Variants in FOXP1 observed in about 807,000 individuals in gnomAD.
FOXP1 encodes forkhead box protein P1.
A neutral mutation model predicts 98.2 loss-of-function variants in FOXP1; 15 were observed. That is an observed-to-expected ratio of 0.15 (90% CI 0.10 to 0.24). The LOEUF is 0.24. Among genes scored for constraint, FOXP1 ranks in the 10% least tolerant of loss-of-function variants. The pLI is 1.00. For synonymous variants in FOXP1, 371 were observed against 314.5 expected (o/e 1.18, Z -1.90); for missense variants, 633 against 848.5 (o/e 0.75, Z 3.15).
chr3:71,315,025 G>A (rs1248810317), intron 4 of FOXP1, among the ~76,000 whole-genome samples: 1 of 140,558 alleles, frequency 7.1e-6, no homozygotes, highest in Non-Finnish European at 1.5e-5. Flanking sequence ...CGGGAATAAG[G>A]CTGGGATAAG....
intron 12 of FOXP1, among the ~76,000 whole-genome samples, chr3:71,003,185 A>G: frequency 6.6e-6 from 1 of 152,214 alleles, no homozygotes; most frequent in African/African-American, 2.4e-5. Context: ...TAAAAGATCC[A>G]AACGGACAAA....
At chr3:71,012,462 T>C (rs1036587499) in intron 12 of FOXP1, among the ~76,000 whole-genome samples, 3 of 152,200 alleles carry the variant, frequency 2.0e-5, no homozygotes, top group African/African-American at 4.8e-5. Flanking sequence ...CTGATCGTGA[T>C]TGTTCACATC....
In FOXP1 at chr3:71,245,031, T is replaced by A. The variant is rs962733725; in HGVS notation, c.-11-46639A>T. The A allele has an allele frequency of 6.6e-5, 10 of 151,766 alleles. No individual in the cohort carries two copies. In the East Asian group the frequency reaches 1.7e-3, roughly 26 times the overall value. 9.4% of individuals were successfully genotyped at this position (151,766 alleles called of 1,614,324 possible). A position where few individuals can be genotyped will look rare whatever the true frequency, so the allele number is the denominator to read the frequency against. ...ATTTCCAAACAAACGCAGCTCAGCCTGGGGAAGCGATGGCATAAAAACAGG... is the reference window on the plus strand; with the variant it reads ...ATTTCCAAACAAACGCAGCTCAGCCAGGGGAAGCGATGGCATAAAAACAGG... On this transcript the variant is annotated intron_variant, in intron 5 of 20. Transcript: ENST00000649528.
intron 5 of FOXP1, among the ~76,000 whole-genome samples, chr3:71,256,995 A>G (rs2068678334): frequency 6.6e-6 from 1 of 152,160 alleles, no homozygotes; most frequent in Non-Finnish European, 1.5e-5. Flanking sequence ...TCTTTTAAGG[A>G]TTACCTTTAA....
chr3:71,239,360 T>C (rs1457372173), intron 5 of FOXP1, among the ~76,000 whole-genome samples: 3 of 152,052 alleles, frequency 2.0e-5, no homozygotes, highest in African/African-American at 7.2e-5. Context: ...CTGACTAAGA[T>C]GGTGAAACCC....
At chr3:71,322,409 T>C (rs2075443690) in intron 4 of FOXP1, among the ~76,000 whole-genome samples, 1 of 152,210 alleles carries the variant, frequency 6.6e-6, no homozygotes, top group Admixed American at 6.5e-5. Flanking sequence ...AACATTTTCA[T>C]CACTGCAGAA....
chr3:71,274,098 G>A (rs1319666834), intron 5 of FOXP1, among the ~76,000 whole-genome samples: 11 of 152,082 alleles, frequency 7.2e-5, no homozygotes, highest in Non-Finnish European at 1.2e-4. Context: ...TCCTTGGGTC[G>A]AATATTTCAC....
intron 2 of FOXP1, among the ~76,000 whole-genome samples, chr3:71,531,988 T>C (rs1329242491): frequency 6.6e-6 from 1 of 152,234 alleles, no homozygotes; most frequent in African/African-American, 2.4e-5. Context: ...TACAATTCCT[T>C]TTACTTATTT....
At chr3:71,323,702 A>G (rs979974113) in intron 4 of FOXP1, among the ~76,000 whole-genome samples, 1 of 152,248 alleles carries the variant, frequency 6.6e-6, no homozygotes, top group African/African-American at 2.4e-5. Flanking sequence ...AGAGTGGGAC[A>G]CAGAATAGTT....
chr3:71,262,526 A>C (rs2069259870), intron 5 of FOXP1, among the ~76,000 whole-genome samples: 1 of 152,090 alleles, frequency 6.6e-6, no homozygotes, highest in Admixed American at 6.5e-5. Context: ...CTGCCCTTTA[A>C]AAGAAAAAAA....
chr3:71,202,125 T>C (rs1482063310), intron 5 of FOXP1, among the ~76,000 whole-genome samples: 1 of 152,236 alleles, frequency 6.6e-6, no homozygotes, highest in Non-Finnish European at 1.5e-5. Context: ...GCCCTGTTTT[T>C]GCTCCATGCA....
At chr3:71,181,770 C>T (rs1210848778) in intron 6 of FOXP1, among the ~76,000 whole-genome samples, 3 of 152,072 alleles carry the variant, frequency 2.0e-5, no homozygotes, top group South Asian at 2.1e-4. Context: ...CGGTGGCTCA[C>T]GCCTGTAATC....
At chr3:71,195,208 C>G (rs1327726876) in intron 6 of FOXP1, among the ~76,000 whole-genome samples, 3 of 152,260 alleles carry the variant, frequency 2.0e-5, no homozygotes, top group African/African-American at 7.2e-5. Context: ...AATGACAATA[C>G]CATTTGAACG....
In FOXP1 at chr3:71,041,385, A is replaced by G. The variant is rs990965193; in HGVS notation, c.812T>C (p.Met271Thr). 3 of 1,613,712 alleles carry G rather than the reference A, an allele frequency of 1.9e-6. No individual in the cohort carries two copies. The highest frequency in any genetic ancestry group is 3.3e-5 in the Admixed American group (2 of 59,992). Reference sequence around the variant, plus strand: ...TCCATTGGTAGAGGCATGTGGGTTCATTATTAAGGAGGTCTTGGAAGGTGC... The same window carrying G: ...TCCATTGGTAGAGGCATGTGGGTTCGTTATTAAGGAGGTCTTGGAAGGTGC... ...SSAPSKTSLI[M>T]NPHASTNGQL... The change falls in exon 11 of 21, where the codon ATG (methionine) becomes ACG (threonine). Residue 271 changes from methionine to threonine, a missense_variant. Around this residue, in one of 6 missense-constraint regions of FOXP1, gnomAD observed 210 missense variants for 270.6 expected, o/e 0.78. Transcript: ENST00000649528.
chr3:71,514,907 A>C (rs1029926105), intron 2 of FOXP1, among the ~76,000 whole-genome samples: 1 of 152,228 alleles, frequency 6.6e-6, no homozygotes, highest in African/African-American at 2.4e-5. Context: ...CAAGATACCC[A>C]GCCCTAAGAC....
At chr3:70,991,761 A>G (rs533643984) in intron 13 of FOXP1, among the ~76,000 whole-genome samples, 2 of 152,194 alleles carry the variant, frequency 1.3e-5, no homozygotes, top group Admixed American at 1.3e-4. Context: ...CTGTTTTATA[A>G]TTGGGGAAAC....
chr3:71,504,846 T>C (rs2041686803), intron 2 of FOXP1, among the ~76,000 whole-genome samples: 1 of 152,236 alleles, frequency 6.6e-6, no homozygotes, highest in African/African-American at 2.4e-5. Context: ...TTCTCCTGGG[T>C]ACTTCCAGTT....
At chr3:71,063,013 G>A (rs1353782252) in intron 7 of FOXP1, among the ~76,000 whole-genome samples, 3 of 152,130 alleles carry the variant, frequency 2.0e-5, no homozygotes, top group Admixed American at 6.6e-5. Context: ...CTCTTGACAG[G>A]CAACTACACA....
intron 3 of FOXP1, among the ~76,000 whole-genome samples, chr3:71,491,081 T>C (rs1168683574): frequency 2.0e-5 from 3 of 152,180 alleles, no homozygotes; most frequent in Admixed American, 2.0e-4. Context: ...AGTGGCACGA[T>C]CTCAGCTCAC....
Sources: gnomAD v4.1 joint callset for allele counts (sites outside exome capture counted in the v4.1 genomes callset) on GRCh38, gnomAD v4.1.1 for gene constraint, gnomAD v4.1.1 regional missense constraint, MANE v1.5 for transcripts, NCBI Gene and HGNC (gene_info 2026-07-23, HGNC 2026-07-21) for gene names.